WDR20: variants seen among roughly 807,000 people sequenced by gnomAD.
The protein encoded by WDR20 is WD repeat domain 20, also known as WD repeat-containing protein 20.
A neutral mutation model predicts 38.7 loss-of-function variants in WDR20; 3 were observed. That is an observed-to-expected ratio of 0.08 (90% CI 0.04 to 0.20). The LOEUF is 0.20. WDR20 is among the 10% of genes least tolerant of loss of function. WDR20 has a pLI of 1.00. For missense variants in WDR20, 559 were observed against 727.7 expected, an observed-to-expected ratio of 0.77 and a Z score of 2.67; for synonymous variants, 298 against 285.6, an observed-to-expected ratio of 1.04 and a Z score of -0.44.
chr14:102,203,827 T>G (rs529026896), intron 2 of WDR20, among the ~76,000 whole-genome samples: 1 of 152,340 alleles, frequency 6.6e-6, no homozygotes, highest in African/African-American at 2.4e-5. Flanking sequence ...AAGATTTTTT[T>G]TTTTAACTAG....
At chr14:102,176,551 G>A (rs749709461) in intron 1 of WDR20, among the ~76,000 whole-genome samples, 5 of 152,010 alleles carry the variant, frequency 3.3e-5, no homozygotes, top group African/African-American at 4.8e-5. Flanking sequence ...GCAAAAATTC[G>A]TGCCCGGCTG....
Position 102,210,210 on chromosome 14 carries a change from G to A in WDR20, c.*330G>A. The stretch of plus-strand genomic sequence containing the variant: ...TGTGGGGAAACAATGACTTTAAAAT[G>A]CTGAAATTAAAATTTATGCTTTAAC... On this transcript the variant is annotated 3_prime_UTR_variant, in exon 3 of 3. Transcript: ENST00000342702. The A allele has an allele frequency of 9.6e-7, 1 of 1,036,308 alleles. No homozygotes were observed. The highest frequency in any genetic ancestry group is 4.7e-4 in the Middle Eastern group (1 of 2,110). 64.2% of individuals were successfully genotyped at this position (1,036,308 alleles called of 1,614,324 possible). A position where few individuals can be genotyped will look rare whatever the true frequency, so the allele number is the denominator to read the frequency against.
chr14:102,182,165 A>G (rs141435290), intron 1 of WDR20, among the ~76,000 whole-genome samples: 7 of 152,344 alleles, frequency 4.6e-5, no homozygotes, highest in Non-Finnish European at 7.3e-5. Flanking sequence ...ATGGATTCAT[A>G]TTATAAATAT....
rs1268601175 is a variant in WDR20 at position 102,221,142 on chromosome 14, A to G, written c.1693-1688A>G. ...GTGGGTGGGGCTGCCTCCTACCTGG[A>G]GCAGCACTCACCTCCACCTGGCACT... On this transcript the variant is annotated intron_variant, in intron 3 of 3. Coordinates refer to the WDR20 transcript ENST00000335263. The surrounding 1 kb of genome is among the most constrained non-coding windows in gnomAD (Gnocchi z 4.8). Among the ~76,000 whole-genome samples, 1 of 152,168 alleles carries G rather than the reference A, an allele frequency of 6.6e-6. No individual in the cohort carries two copies. Among genetic ancestry groups the G allele is most frequent in the African/African-American group, 2.4e-5 (1 of 41,440 alleles).
At chr14:102,165,422 T>C (rs2059554153) in intron 1 of WDR20, among the ~76,000 whole-genome samples, 1 of 152,196 alleles carries the variant, frequency 6.6e-6, no homozygotes, top group Admixed American at 6.5e-5. Context: ...ATTTCCTTTC[T>C]TTAGGTTTAC....
chr14:102,161,239 C>G (rs1388061774), intron 1 of WDR20, among the ~76,000 whole-genome samples: 1 of 144,752 alleles, frequency 6.9e-6, no homozygotes, highest in Non-Finnish European at 1.5e-5. Flanking sequence ...CAACCTCCGC[C>G]TCCCGGGTTC....
intron 1 of WDR20, among the ~76,000 whole-genome samples, chr14:102,192,867 G>T (rs971650777): frequency 5.3e-5 from 8 of 152,028 alleles, no homozygotes; most frequent in African/African-American, 1.9e-4. Flanking sequence ...AAGTGCAGTG[G>T]TGCAATCCTA....
downstream of WDR20, among the ~76,000 whole-genome samples, chr14:102,219,799 G>T (rs2063676855): frequency 6.6e-6 from 1 of 152,228 alleles, no homozygotes; most frequent in Non-Finnish European, 1.5e-5. Flanking sequence ...GGCGAAGCCT[G>T]CTAACGGGAA....
At chr14:102,211,575 C>G (rs140255487), downstream of WDR20, among the ~76,000 whole-genome samples, 78 of 152,332 alleles carry the variant, frequency 5.1e-4, no homozygotes, top group East Asian at 0.012. The surrounding 1 kb of genome is among the most constrained non-coding windows in gnomAD (Gnocchi z 4.2). Context: ...CCTTTCACAT[C>G]CCTGAGCACT....
chr14:102,203,551 C>G (rs2060908324), intron 2 of WDR20, among the ~76,000 whole-genome samples: 1 of 152,128 alleles, frequency 6.6e-6, no homozygotes, highest in South Asian at 2.1e-4. Context: ...ACCAAATTCC[C>G]CTCCCAGCTC....
downstream of WDR20, among the ~76,000 whole-genome samples, chr14:102,217,251 C>G (rs1384795088): frequency 6.6e-6 from 1 of 152,202 alleles, no homozygotes; most frequent in Non-Finnish European, 1.5e-5. Context: ...ACAGCCCGGG[C>G]CGGTGCTGGT....
At chr14:102,189,614 TTATC>T (rs1486092148) in intron 1 of WDR20, among the ~76,000 whole-genome samples, 3 of 152,354 alleles carry the variant, frequency 2.0e-5, no homozygotes, top group African/African-American at 7.2e-5. Flanking sequence ...AAATTCATGT[TTATC>T]TGTCAGAATC....
At chr14:102,183,753 A>T (rs1474872777) in intron 1 of WDR20, among the ~76,000 whole-genome samples, 1 of 152,182 alleles carries the variant, frequency 6.6e-6, no homozygotes, top group East Asian at 1.9e-4. Flanking sequence ...ATTGTTGCTT[A>T]TGTTACTCAG....
intron 1 of WDR20, among the ~76,000 whole-genome samples, chr14:102,170,124 C>T (rs2060520670): frequency 6.6e-6 from 1 of 152,138 alleles, no homozygotes; most frequent in African/African-American, 2.4e-5. Flanking sequence ...CTGTTTTACA[C>T]CTTGTTTTGA....
chr14:102,205,675 T>C (rs1248358447), intron 2 of WDR20, among the ~76,000 whole-genome samples: 1 of 152,030 alleles, frequency 6.6e-6, no homozygotes, highest in Non-Finnish European at 1.5e-5. Flanking sequence ...CACCCTGATA[T>C]TGCTGAGACA....
At chr14:102,190,026 C>T (rs761629102) in intron 1 of WDR20, among the ~76,000 whole-genome samples, 4 of 152,054 alleles carry the variant, frequency 2.6e-5, no homozygotes, top group Admixed American at 2.0e-4. Context: ...AAGAGGGTGA[C>T]GTAAGCCAAG....
chr14:102,210,838 C>T (rs886741537), downstream of WDR20, among the ~76,000 whole-genome samples: 8 of 152,242 alleles, frequency 5.3e-5, no homozygotes, highest in Non-Finnish European at 2.9e-5. Flanking sequence ...CTTCCGACTT[C>T]TCCCTGACAT....
intron 1 of WDR20, among the ~76,000 whole-genome samples, chr14:102,152,837 T>A (rs1484887391): frequency 6.6e-6 from 1 of 152,206 alleles, no homozygotes. Context: ...ATAAAACTAA[T>A]AAGCCATTGT....
At chr14:102,146,300 G>A (rs1179203023) in intron 1 of WDR20, among the ~76,000 whole-genome samples, 1 of 152,100 alleles carries the variant, frequency 6.6e-6, no homozygotes, top group Non-Finnish European at 1.5e-5. Context: ...AAGTAGCTGG[G>A]ATTACAGGCA....
Sources: allele counts gnomAD v4.1 joint callset (sites outside exome capture counted in the v4.1 genomes callset), GRCh38; gene constraint gnomAD v4.1.1; non-coding constraint Gnocchi (gnomAD v3.1); transcripts MANE v1.5; gene names NCBI Gene and HGNC (gene_info 2026-07-23, HGNC 2026-07-21).